The following CALN1 variants were observed in gnomAD, a reference collection of about 807,000 sequenced individuals.
CALN1 encodes the protein calcium-binding protein 8.
A neutral mutation model predicts 30.6 loss-of-function variants in CALN1; 17 were observed. The ratio of observed to expected loss-of-function variants is 0.56; its 90% CI spans 0.38 to 0.83. The LOEUF is 0.83. Ranked by LOEUF, CALN1 falls within the 40% of genes least tolerant of loss-of-function variation. The pLI is 0.00. For missense variants in CALN1, 291 were observed against 354.9 expected, an observed-to-expected ratio of 0.82 and a Z score of 1.45; for synonymous variants, 156 against 131.4, an observed-to-expected ratio of 1.19 and a Z score of -1.28.
intron 3 of CALN1, among the ~76,000 whole-genome samples, chr7:72,236,630 G>C (rs932662381): frequency 6.6e-6 from 1 of 152,146 alleles, no homozygotes; most frequent in South Asian, 2.1e-4. Flanking sequence ...CAGGCTCATC[G>C]CAAAAATCAA....
rs1440224704 is a variant in CALN1, at chr7:72,229,995, G to C, written c.244+48691C>G. 2.0e-5 allele frequency among the ~76,000 whole-genome samples: 3 copies of C among 151,820 alleles called. No individual in the cohort carries two copies. The East Asian group carries it at 5.8e-4, about 30-fold the overall frequency. ...GTCTCTACAAAAATACAAAAAATTAGCTGGGCGTGGTGGTGGGCGCCTGTA... is the reference window on the plus strand; with the variant it reads ...GTCTCTACAAAAATACAAAAAATTACCTGGGCGTGGTGGTGGGCGCCTGTA... On this transcript the variant is annotated intron_variant, in intron 3 of 6. Coordinates refer to ENST00000395275, the MANE Select transcript of CALN1 (RefSeq NM_031468.4).
At position 72,053,374 on chromosome 7, in the gene CALN1, G is replaced by A. The variant is rs1802964507; in HGVS notation, c.389-29605C>T. Among the ~76,000 whole-genome samples the A allele has an allele frequency of 2.0e-5, 3 of 152,232 alleles. No individual in the cohort carries two copies. In the South Asian group the frequency reaches 6.2e-4, roughly 32 times the overall value. On this transcript the variant is annotated intron_variant, in intron 4 of 6. Coordinates refer to ENST00000395275, the MANE Select transcript of CALN1 (RefSeq NM_031468.4). ...TACCGGCTGGTAGGTGATAGGAACT[G>A]AGACAGTAGCCTGGAACCACTGCAC...
chr7:71,794,861 A>C (rs1483634738), intron 6 of CALN1, among the ~76,000 whole-genome samples: 1 of 152,136 alleles, frequency 6.6e-6, no homozygotes, highest in Non-Finnish European at 1.5e-5. Context: ...TGATGGGAGA[A>C]GCCTGTTCCA....
chr7:72,059,264 C>G (rs1478064414), intron 4 of CALN1, among the ~76,000 whole-genome samples: 1 of 152,092 alleles, frequency 6.6e-6, no homozygotes, highest in Non-Finnish European at 1.5e-5. Flanking sequence ...ATTACTTTTT[C>G]CTGCCACTTA....
chr7:72,119,131 T>C (rs1808202692), intron 3 of CALN1, among the ~76,000 whole-genome samples: 3 of 152,230 alleles, frequency 2.0e-5, no homozygotes, highest in Admixed American at 1.3e-4. Flanking sequence ...AAAGTCTCTA[T>C]TGTAAACTTG....
At chr7:72,117,688 T>C (rs1209537015) in intron 3 of CALN1, among the ~76,000 whole-genome samples, 3 of 152,086 alleles carry the variant, frequency 2.0e-5, no homozygotes, top group Non-Finnish European at 1.5e-5. Flanking sequence ...CCAGACACGG[T>C]GGCTCCCACC....
At chr7:72,113,984 G>A (rs1294541736) in intron 3 of CALN1, among the ~76,000 whole-genome samples, 1 of 151,988 alleles carries the variant, frequency 6.6e-6, no homozygotes, top group Non-Finnish European at 1.5e-5. Context: ...TGGTGGCAGA[G>A]GACACTGTGG....
At chr7:72,219,180 T>C (rs1375996287) in intron 3 of CALN1, among the ~76,000 whole-genome samples, 2 of 152,218 alleles carry the variant, frequency 1.3e-5, no homozygotes, top group African/African-American at 2.4e-5. Context: ...GGAAAAATTC[T>C]TCCCTAGTGA....
chr7:72,458,223 A>C, the CALN1 span, among the ~76,000 whole-genome samples: 21,568 of 83,922 alleles, frequency 0.26, 3,768 homozygotes, highest in African/African-American at 0.41. Context: ...ATAATATATT[A>C]TATAATATAT....
At chr7:71,978,643 C>G (rs946349030) in intron 5 of CALN1, among the ~76,000 whole-genome samples, 4 of 152,134 alleles carry the variant, frequency 2.6e-5, no homozygotes, top group African/African-American at 7.2e-5. Context: ...GGTGTTGTCA[C>G]GAGACCTATT....
At position 71,784,249 on chromosome 7, in the gene CALN1, C is replaced by A. The variant is rs1792868022; in HGVS notation, c.*3526G>T. 6.6e-6 allele frequency: 1 copy of A among 152,118 alleles called. No homozygotes were observed. The highest frequency in any genetic ancestry group is 1.5e-5 in the Non-Finnish European group (1 of 68,046). 9.4% of individuals were successfully genotyped at this position (152,118 alleles called of 1,614,324 possible). A position where few individuals can be genotyped will look rare whatever the true frequency, so the allele number is the denominator to read the frequency against. ...TAGAAGGACAAGTTCAAATGCCAGA[C>A]AAAAAGGCAGAGATACCACCCAGAT... On this transcript the variant is annotated 3_prime_UTR_variant, in exon 7 of 7. Coordinates refer to ENST00000395275, the MANE Select transcript of CALN1 (RefSeq NM_031468.4).
chr7:72,473,453 A>C, the CALN1 span, among the ~76,000 whole-genome samples: 1 of 152,086 alleles, frequency 6.6e-6, no homozygotes, highest in Non-Finnish European at 1.5e-5. Context: ...CCAGTTCCAT[A>C]ACTCCCTCTT....
chr7:72,099,288 T>C (rs941437596), intron 4 of CALN1, among the ~76,000 whole-genome samples: 1 of 151,262 alleles, frequency 6.6e-6, no homozygotes, highest in Non-Finnish European at 1.5e-5. Flanking sequence ...TTTTTTTTTT[T>C]TTTTTGGCAT....
chr7:71,931,201 T>C (rs1179363145), intron 5 of CALN1, among the ~76,000 whole-genome samples: 1 of 152,238 alleles, frequency 6.6e-6, no homozygotes. Flanking sequence ...TTTTGCTTAA[T>C]TGGGATTTAA....
chr7:71,972,250 G>C (rs1401497961), intron 5 of CALN1, among the ~76,000 whole-genome samples: 1 of 152,086 alleles, frequency 6.6e-6, no homozygotes, highest in African/African-American at 2.4e-5. Context: ...AATTCGTTCT[G>C]AACACCCCAC....
intron 3 of CALN1, among the ~76,000 whole-genome samples, chr7:72,130,856 A>G (rs1809093097): frequency 6.6e-6 from 1 of 150,562 alleles, no homozygotes. Flanking sequence ...AGTATTCCAC[A>G]AAGCACATAT....
intron 5 of CALN1, among the ~76,000 whole-genome samples, chr7:71,837,482 G>C (rs531987575): frequency 6.6e-6 from 1 of 152,108 alleles, no homozygotes; most frequent in Non-Finnish European, 1.5e-5. Context: ...GAGATTCCAG[G>C]ACACAATGGA....
At chr7:72,034,609 T>G (rs1199251304) in intron 4 of CALN1, among the ~76,000 whole-genome samples, 1 of 151,614 alleles carries the variant, frequency 6.6e-6, no homozygotes, top group Non-Finnish European at 1.5e-5. Flanking sequence ...CTGGCCAAGA[T>G]GGCAAACCCC....
At chr7:72,053,490 C>T (rs569766741) in intron 4 of CALN1, among the ~76,000 whole-genome samples, 172 of 152,202 alleles carry the variant, frequency 1.1e-3, no homozygotes, top group Non-Finnish European at 2.0e-3. Context: ...CGCCACACTG[C>T]CTTTCGCAAG....
Sources: allele counts gnomAD v4.1 joint callset (sites outside exome capture counted in the v4.1 genomes callset), GRCh38; gene constraint gnomAD v4.1.1; transcripts MANE v1.5; gene names NCBI Gene and HGNC (gene_info 2026-07-23, HGNC 2026-07-21).